The following CFAP69 variants were observed in gnomAD, a reference collection of about 807,000 sequenced individuals.
The protein encoded by CFAP69 is cilia- and flagella-associated protein 69.
A neutral mutation model predicts 123.0 loss-of-function variants in CFAP69; 92 were observed. That is an observed-to-expected ratio of 0.75 (90% CI 0.63 to 0.89). CFAP69 has a LOEUF of 0.89. Among genes scored for constraint, CFAP69 ranks in the 40% least tolerant of loss-of-function variants. The probability of loss-of-function intolerance (pLI) is 0.00; values close to 1 mark genes in which losing one functional copy is unlikely to be tolerated. For missense variants in CFAP69, 1,067 were observed against 1,096.9 expected, an observed-to-expected ratio of 0.97 and a Z score of 0.39; for synonymous variants, 380 against 364.3, an observed-to-expected ratio of 1.04 and a Z score of -0.49.
At chr7:90,285,825 C>G (rs1790190701) in intron 13 of CFAP69, among the ~76,000 whole-genome samples, 1 of 152,114 alleles carries the variant, frequency 6.6e-6, no homozygotes, top group Non-Finnish European at 1.5e-5. Flanking sequence ...ATTGGGGCAT[C>G]CTTTAATGAC....
chr7:90,272,393 A>G (rs1179218597), intron 8 of CFAP69, among the ~76,000 whole-genome samples: 1 of 152,162 alleles, frequency 6.6e-6, no homozygotes, highest in East Asian at 1.9e-4. Context: ...CCATAGAAAT[A>G]CCACTGAAAA....
At chr7:90,277,931 C>T (rs1389386024) in intron 11 of CFAP69, among the ~76,000 whole-genome samples, 1 of 152,038 alleles carries the variant, frequency 6.6e-6, no homozygotes, top group Non-Finnish European at 1.5e-5. Context: ...ATTTCCTCCT[C>T]CTGTAAAGGA....
rs535779337 is a variant in CFAP69 at position 90,247,071 on chromosome 7, G to A, written c.120+1527G>A. Among the ~76,000 whole-genome samples, 154 of 152,244 alleles carry A rather than the reference G, an allele frequency of 1.0e-3. 1 individual carries two copies. The highest frequency in any genetic ancestry group is 1.4e-3 in the Non-Finnish European group (93 of 68,012). Reference sequence around the variant, plus strand: ...TTCTAAGAGTAGTAACATTTTCGAAGTACTGAGGAAAAAGGTAGTTTCTCC... The same window carrying A: ...TTCTAAGAGTAGTAACATTTTCGAAATACTGAGGAAAAAGGTAGTTTCTCC... On this transcript the variant is annotated intron_variant, in intron 1 of 22. Coordinates refer to ENST00000389297, the MANE Select transcript of CFAP69 (RefSeq NM_001039706.3).
intron 13 of CFAP69, among the ~76,000 whole-genome samples, chr7:90,284,901 G>T (rs1245952854): frequency 2.0e-5 from 3 of 152,160 alleles, no homozygotes; most frequent in Non-Finnish European, 4.4e-5. Context: ...TCCTCTTAAG[G>T]CATGGAGAGC....
chr7:90,264,767 T>C (rs1798899720), intron 4 of CFAP69, among the ~76,000 whole-genome samples: 1 of 152,096 alleles, frequency 6.6e-6, no homozygotes, highest in South Asian at 2.1e-4. Context: ...ATATTTTCTT[T>C]TTGGTCAGTT....
the CFAP69 span, chr7:90,317,086 A>G: frequency 6.6e-6 from 1 of 151,690 alleles, no homozygotes; most frequent in Non-Finnish European, 1.5e-5. Context: ...GATAGCTGTC[A>G]GGTCATTTTT....
At chr7:90,275,815 G>C (rs983441012) in intron 9 of CFAP69, among the ~76,000 whole-genome samples, 1 of 151,834 alleles carries the variant, frequency 6.6e-6, no homozygotes, top group Non-Finnish European at 1.5e-5. Flanking sequence ...TGTTAGCCAG[G>C]ATGGTCTCGA....
intron 1 of CFAP69, among the ~76,000 whole-genome samples, chr7:90,252,688 A>G (rs1562835856): frequency 2.6e-5 from 4 of 152,204 alleles, no homozygotes; most frequent in African/African-American, 9.7e-5. Context: ...AAATAAAAAT[A>G]AATATAATTT....
At chr7:90,274,260 T>G in intron 9 of CFAP69, 150 bp downstream of exon 9, 1 of 917,162 alleles carries the variant, frequency 1.1e-6, no homozygotes, top group Non-Finnish European at 1.6e-6. Context: ...TGCTTATCAC[T>G]CTGCCAATTC....
At chr7:90,290,743 GTCTTT>G (rs68042620) in intron 15 of CFAP69, among the ~76,000 whole-genome samples, 6,881 of 121,650 alleles carry the variant, frequency 0.057, 98 homozygotes, top group Middle Eastern at 0.091. Context: ...TAGAAACAAT[GTCTTT>G]TCTTTTCTTT....
chr7:90,276,471 A>T (rs1252552175), intron 9 of CFAP69, among the ~76,000 whole-genome samples: 1 of 152,240 alleles, frequency 6.6e-6, no homozygotes, highest in African/African-American at 2.4e-5. Context: ...CTACAAGCTC[A>T]TAAGCCCAGG....
intron 18 of CFAP69, 25 bp downstream of exon 18, chr7:90,304,131 A>G (rs769577067): frequency 1.3e-6 from 2 of 1,541,124 alleles, no homozygotes; most frequent in Non-Finnish European, 1.8e-6. Flanking sequence ...TCAAATTTGC[A>G]AGAGTCTGTT....
chr7:90,256,264 A>C (rs1382233891), intron 2 of CFAP69, among the ~76,000 whole-genome samples: 3 of 152,198 alleles, frequency 2.0e-5, no homozygotes, highest in Non-Finnish European at 2.9e-5. Context: ...AATTCTCAGC[A>C]AACTAACACA....
chr7:90,298,181 C>A (rs1792272726), intron 16 of CFAP69, among the ~76,000 whole-genome samples: 2 of 152,204 alleles, frequency 1.3e-5, no homozygotes. Context: ...CTTCTAGTTT[C>A]TTCCCCTGAT....
intron 21 of CFAP69, 41 bp from the exon 22 acceptor site, chr7:90,309,222 A>T: frequency 1.0e-6 from 1 of 954,034 alleles, no homozygotes; most frequent in Non-Finnish European, 1.6e-6. Flanking sequence ...TTACTGATTT[A>T]ATAGCAATTA....
At chr7:90,252,302 T>G (rs1380484490) in intron 1 of CFAP69, among the ~76,000 whole-genome samples, 4 of 152,170 alleles carry the variant, frequency 2.6e-5, no homozygotes, top group Non-Finnish European at 5.9e-5. Context: ...CAGTAATATT[T>G]AACAATTTTT....
rs764435929 is a variant in CFAP69 at position 90,282,922 on chromosome 7, A to T, written c.1403A>T (p.His468Leu). ...TTTTTCAGTCATGGTAACAGTTTTC[A>T]TGGTACAGGTGGCCGAGGCAACAAG... ...DPFFSHGNSFHGTGGRGNKFA... is the reference protein window; with the variant it reads ...DPFFSHGNSFLGTGGRGNKFA... The change falls in exon 13 of 23, where the codon CAT becomes CTT. Residue 468 changes from histidine to leucine, a missense_variant. By Grantham distance (99) the His-to-Leu change is moderately conservative. Coordinates refer to ENST00000389297, the MANE Select transcript of CFAP69 (RefSeq NM_001039706.3). The T allele has an allele frequency of 1.3e-6, 2 of 1,551,338 alleles. No homozygotes were observed. Among genetic ancestry groups the T allele is most frequent in the Non-Finnish European group, 1.7e-6 (2 of 1,151,916 alleles).
At chr7:90,252,344 A>G (rs1036294578) in intron 1 of CFAP69, among the ~76,000 whole-genome samples, 1 of 152,164 alleles carries the variant, frequency 6.6e-6, no homozygotes, top group African/African-American at 2.4e-5. Flanking sequence ...ATAGATTAGT[A>G]TTTAGTAAAT....
Position 90,250,813 on chromosome 7 carries a change from C to T in CFAP69, c.121-4610C>T, listed in dbSNP as rs1398466919. ...AATTTTTCTCATCTCCAACCCCCAA[C>T]ACAAACCTCTTCCTCCAGCATTCCC... On this transcript the variant is annotated intron_variant, in intron 1 of 22. Transcript: ENST00000389297. Among the ~76,000 whole-genome samples, 3 of 152,142 alleles carry T rather than the reference C, an allele frequency of 2.0e-5. No homozygotes were observed. The South Asian group carries it at 6.2e-4, about 32-fold the overall frequency.
Sources: allele counts gnomAD v4.1 joint callset (sites outside exome capture counted in the v4.1 genomes callset), GRCh38; gene constraint gnomAD v4.1.1; transcripts MANE v1.5; gene names NCBI Gene and HGNC (gene_info 2026-07-23, HGNC 2026-07-21).